SPAG16: variants seen among roughly 807,000 people sequenced by gnomAD.
The protein encoded by SPAG16 is sperm associated antigen 16, also known as sperm-associated antigen 16 protein.
Under a neutral mutation model 80.4 loss-of-function variants are expected in SPAG16, and 86 were observed. The ratio of observed to expected loss-of-function variants is 1.07; its 90% CI spans 0.90 to 1.28. The LOEUF (loss-of-function observed/expected upper bound fraction) is 1.28. Ranked by LOEUF, SPAG16 falls within the 50% of genes most tolerant of loss-of-function variation. The pLI is 0.00. For synonymous variants in SPAG16, 294 were observed against 265.9 expected, an observed-to-expected ratio of 1.11 and a Z score of -1.03; for missense variants, 870 against 765.3, an observed-to-expected ratio of 1.14 and a Z score of -1.61.
chr2:213,326,212 T>C (rs779022109), intron 5 of SPAG16, among the ~76,000 whole-genome samples: 12 of 152,062 alleles, frequency 7.9e-5, no homozygotes, highest in Non-Finnish European at 1.8e-4. Flanking sequence ...TATTTTACAA[T>C]CTGCCAGAGA....
intron 9 of SPAG16, among the ~76,000 whole-genome samples, chr2:213,395,073 ACT>A (rs996080862): frequency 3.3e-5 from 5 of 152,000 alleles, no homozygotes; most frequent in Non-Finnish European, 7.4e-5. Flanking sequence ...TAGTGATACC[ACT>A]GTTTTATTCT....
At chr2:214,103,140 T>C (rs1054874540) in intron 13 of SPAG16, among the ~76,000 whole-genome samples, 2 of 152,178 alleles carry the variant, frequency 1.3e-5, no homozygotes, top group African/African-American at 2.4e-5. Context: ...GTTTTGTCTC[T>C]TAACACACAT....
intron 13 of SPAG16, among the ~76,000 whole-genome samples, chr2:214,030,895 T>G (rs2048373627): frequency 6.6e-6 from 1 of 152,244 alleles, no homozygotes; most frequent in Non-Finnish European, 1.5e-5. Context: ...TTAATGTCCC[T>G]GGGGACAGGT....
rs115512313 is a variant in SPAG16, at chr2:213,493,393, A to G, written c.1070+3303A>G. 8.4e-3 allele frequency among the ~76,000 whole-genome samples: 1,285 copies of G among 152,322 alleles called. 24 individuals are homozygous for G. Among genetic ancestry groups the G allele is most frequent in the African/African-American group, 0.03 (1,237 of 41,560 alleles). On this transcript the variant is annotated intron_variant, in intron 10 of 15. Transcript: ENST00000331683. ...GTAATTTAAAAATCATTGATGTATT[A>G]CTAGTTTGCATTTTCATAGAGTATG...
intron 13 of SPAG16, among the ~76,000 whole-genome samples, chr2:214,087,410 G>A (rs935750724): frequency 4.6e-5 from 7 of 151,986 alleles, no homozygotes; most frequent in Admixed American, 2.0e-4. Flanking sequence ...TTATGATATG[G>A]ATTATGTTAA....
At chr2:213,552,212 G>C (rs2076799061) in intron 10 of SPAG16, among the ~76,000 whole-genome samples, 3 of 152,134 alleles carry the variant, frequency 2.0e-5, no homozygotes, top group Admixed American at 2.0e-4. Context: ...CCCTGCTTTA[G>C]TATACAGACA....
At chr2:213,447,805 C>T (rs2071425741) in intron 9 of SPAG16, among the ~76,000 whole-genome samples, 2 of 152,202 alleles carry the variant, frequency 1.3e-5, no homozygotes, top group Non-Finnish European at 2.9e-5. Flanking sequence ...TGTGTTAACT[C>T]CTGTTTTGCT....
chr2:214,089,080 T>C lies in SPAG16; in HGVS notation c.1528-19116T>C, dbSNP rs78108730. On this transcript the variant is annotated intron_variant, in intron 13 of 15. Coordinates refer to ENST00000331683, the MANE Select transcript of SPAG16 (RefSeq NM_024532.5). ...ATTAATATGCTCTGTATCTATTCCA[T>C]TCCCACCTTCTCAAACACTTCGACT... Among the ~76,000 whole-genome samples the C allele has an allele frequency of 6.6e-4, 100 of 152,264 alleles. 3 individuals are homozygous for C. The East Asian group carries it at 0.018, about 27-fold the overall frequency.
chr2:213,300,715 T>C (rs1474587159), intron 3 of SPAG16, among the ~76,000 whole-genome samples: 2 of 152,152 alleles, frequency 1.3e-5, no homozygotes, highest in African/African-American at 4.8e-5. Flanking sequence ...AGTTTTGCTA[T>C]AGTTATTTTA....
At chr2:213,420,976 A>G (rs1160655508) in intron 9 of SPAG16, among the ~76,000 whole-genome samples, 2 of 152,128 alleles carry the variant, frequency 1.3e-5, no homozygotes, top group African/African-American at 4.8e-5. Flanking sequence ...GCAGCAGGGG[A>G]GGTGTGGCCA....
chr2:213,666,714 A>G (rs1453822235), intron 10 of SPAG16, among the ~76,000 whole-genome samples: 2 of 152,178 alleles, frequency 1.3e-5, no homozygotes, highest in Non-Finnish European at 2.9e-5. Flanking sequence ...ATAAATATAA[A>G]AGAGGGTTTG....
At chr2:213,577,745 G>A (rs2060176517) in intron 10 of SPAG16, among the ~76,000 whole-genome samples, 1 of 152,074 alleles carries the variant, frequency 6.6e-6, no homozygotes, top group Admixed American at 6.6e-5. Flanking sequence ...ATTCAAAGTT[G>A]CTCGGTTATT....
At chr2:214,374,244 C>G (rs1699991390) in intron 15 of SPAG16, among the ~76,000 whole-genome samples, 1 of 152,132 alleles carries the variant, frequency 6.6e-6, no homozygotes, top group Admixed American at 6.5e-5. Context: ...AGCAATATAC[C>G]AGGAAGGGAA....
intron 15 of SPAG16, among the ~76,000 whole-genome samples, chr2:214,201,980 G>A (rs2058021549): frequency 6.6e-6 from 1 of 151,998 alleles, no homozygotes; most frequent in South Asian, 2.1e-4. Context: ...AGAGTAGCTG[G>A]GACTACAGGC....
intron 9 of SPAG16, among the ~76,000 whole-genome samples, chr2:213,432,476 A>G (rs2070368116): frequency 6.6e-6 from 1 of 152,290 alleles, no homozygotes; most frequent in Admixed American, 6.5e-5. Context: ...ATGTTCATGA[A>G]TTAGAAAATC....
At chr2:213,893,519 T>C (rs1018443400) in intron 11 of SPAG16, among the ~76,000 whole-genome samples, 1 of 152,144 alleles carries the variant, frequency 6.6e-6, no homozygotes, top group African/African-American at 2.4e-5. Context: ...AGGAACCTGT[T>C]AAGAGATATG....
rs555352977 is a variant in SPAG16 at position 213,347,478 on chromosome 2, A to C, written c.645-3050A>C. On this transcript the variant is annotated intron_variant, in intron 6 of 15. Transcript: ENST00000331683. Reference sequence around the variant, plus strand: ...CTCTTGTTCTTTTAATTGTGATGTTAGGGTGTCAATTTTAGATCTTTCCTG... The same window carrying C: ...CTCTTGTTCTTTTAATTGTGATGTTCGGGTGTCAATTTTAGATCTTTCCTG... Among the ~76,000 whole-genome samples, 4 of 152,206 alleles carry C rather than the reference A, an allele frequency of 2.6e-5. No individual in the cohort carries two copies. The South Asian group carries it at 8.3e-4, about 32-fold the overall frequency.
At chr2:213,472,091 G>T (rs547435904) in intron 9 of SPAG16, among the ~76,000 whole-genome samples, 1 of 152,182 alleles carries the variant, frequency 6.6e-6, no homozygotes, top group Admixed American at 6.5e-5. Context: ...ATGAACGAGT[G>T]TGACATCTTG....
chr2:213,451,306 C>G (rs533568224), intron 9 of SPAG16, among the ~76,000 whole-genome samples: 11 of 152,158 alleles, frequency 7.2e-5, no homozygotes, highest in African/African-American at 2.6e-4. Flanking sequence ...TCCTCTTTTC[C>G]TAGGTAATTT....
Sources: allele counts gnomAD v4.1 joint callset (sites outside exome capture counted in the v4.1 genomes callset), GRCh38; gene constraint gnomAD v4.1.1; transcripts MANE v1.5; gene names NCBI Gene and HGNC (gene_info 2026-07-23, HGNC 2026-07-21).